Variants in DLGAP2 observed in about 807,000 individuals in gnomAD.
DLGAP2 encodes DLG associated protein 2, also known as disks large-associated protein 2.
Under a neutral mutation model 100.3 loss-of-function variants are expected in DLGAP2, and 26 were observed. The ratio of observed to expected loss-of-function variants is 0.26; its 90% CI spans 0.19 to 0.36. The LOEUF (loss-of-function observed/expected upper bound fraction) is 0.36. DLGAP2 is among the 10% of genes least tolerant of loss of function. The pLI is 1.00. For synonymous variants in DLGAP2, 886 were observed against 630.1 expected (o/e 1.41, Z -6.08); for missense variants, 1,858 against 1,453.2 (o/e 1.28, Z -4.53).
At chr8:808,734 AACCCACCTCACGCTTGTGGGAGGC>A (rs1471981553) in intron 1 of DLGAP2, among the ~76,000 whole-genome samples, 1 of 152,194 alleles carries the variant, frequency 6.6e-6, no homozygotes, top group African/African-American at 2.4e-5. Context: ...CCTGCCAGCC[AACCCACCTCACGCTTGTGGGAGGC>A]ACCCACCCTA....
intron 3 of DLGAP2, among the ~76,000 whole-genome samples, chr8:1,434,807 C>T (rs975248911): frequency 7.9e-5 from 12 of 152,264 alleles, no homozygotes; most frequent in East Asian, 7.7e-4. Context: ...GAAAATGCTC[C>T]GTGAACATGA....
At chr8:1,050,971 T>C (rs1802663967) in intron 2 of DLGAP2, among the ~76,000 whole-genome samples, 1 of 111,290 alleles carries the variant, frequency 9.0e-6, no homozygotes, top group Non-Finnish European at 1.8e-5. Flanking sequence ...GGTCATTTCG[T>C]GGGTGGGGGT....
chr8:1,528,064 G>A (rs1485864293), intron 4 of DLGAP2, among the ~76,000 whole-genome samples: 2 of 152,252 alleles, frequency 1.3e-5, no homozygotes, highest in African/African-American at 4.8e-5. Flanking sequence ...TCTCCTGGAG[G>A]AACCATCAAT....
intron 2 of DLGAP2, among the ~76,000 whole-genome samples, chr8:923,842 G>T (rs1055175312): frequency 6.6e-6 from 1 of 152,174 alleles, no homozygotes; most frequent in Non-Finnish European, 1.5e-5. Context: ...ACTGCCAAAG[G>T]TCTAAAGTTT....
rs577537546 is a variant in DLGAP2 at position 1,251,127 on chromosome 8, T to C, written c.74-7724T>C. ...ACTTTGTATTCTTGTCTGCCTTCCC[T>C]AACCCGTGCAACAAGCAATATCATT... On this transcript the variant is annotated intron_variant, in intron 2 of 14. Transcript: ENST00000637795. 3.8e-4 allele frequency among the ~76,000 whole-genome samples: 58 copies of C among 152,340 alleles called. 1 individual carries two copies. The South Asian group carries it at 0.012, about 31-fold the overall frequency.
chr8:1,701,116 G>A, intron 14 of DLGAP2, 72 bp from the exon 15 acceptor site: 2 of 1,429,668 alleles, frequency 1.4e-6, no homozygotes, highest in Non-Finnish European at 1.9e-6. Context: ...CAGGCCCCAG[G>A]GCCGCTGAGC....
At chr8:815,540 T>G (rs2132676870) in intron 1 of DLGAP2, among the ~76,000 whole-genome samples, 1 of 152,308 alleles carries the variant, frequency 6.6e-6, no homozygotes, top group African/African-American at 2.4e-5. Flanking sequence ...TAAAGATAAA[T>G]TCAATATTCT....
At chr8:965,844 ACG>A (rs1477318017) in intron 2 of DLGAP2, among the ~76,000 whole-genome samples, 2 of 148,394 alleles carry the variant, frequency 1.3e-5, no homozygotes, top group African/African-American at 2.5e-5. Context: ...TTCATCACAC[ACG>A]CGGCTCCAGA....
intron 2 of DLGAP2, among the ~76,000 whole-genome samples, chr8:1,177,337 T>A (rs534601123): frequency 1.3e-5 from 2 of 152,214 alleles, no homozygotes; most frequent in Admixed American, 1.3e-4. Context: ...CATTATATCA[T>A]AAGCCTGGCT....
At chr8:811,715 A>G (rs935280078) in intron 1 of DLGAP2, among the ~76,000 whole-genome samples, 2 of 146,592 alleles carry the variant, frequency 1.4e-5, no homozygotes, top group African/African-American at 5.1e-5. Flanking sequence ...TGAAGCTCCC[A>G]TCATCCTTGG....
intron 1 of DLGAP2, among the ~76,000 whole-genome samples, chr8:767,557 A>G (rs1307010301): frequency 2.0e-5 from 3 of 151,986 alleles, no homozygotes; most frequent in African/African-American, 7.3e-5. Context: ...GGGTTTCACC[A>G]TGTTGGCCAG....
chr8:1,454,212 C>T (rs370137339), intron 3 of DLGAP2, among the ~76,000 whole-genome samples: 8 of 152,202 alleles, frequency 5.3e-5, no homozygotes, highest in Non-Finnish European at 1.0e-4. Flanking sequence ...CGTCCACAGC[C>T]GCCCGGCAGG....
At chr8:1,060,871 G>T (rs1272064176) in intron 2 of DLGAP2, among the ~76,000 whole-genome samples, 2 of 152,226 alleles carry the variant, frequency 1.3e-5, no homozygotes, top group Admixed American at 1.3e-4. Context: ...GGAAGAGGAG[G>T]TGGGCTCTGC....
chr8:971,707 G>C (rs1022202818), intron 2 of DLGAP2, among the ~76,000 whole-genome samples: 1 of 152,172 alleles, frequency 6.6e-6, no homozygotes, highest in Non-Finnish European at 1.5e-5. Context: ...TCATCATGGA[G>C]TACTCTCAGA....
chr8:1,086,320 G>A (rs997692702), intron 2 of DLGAP2, among the ~76,000 whole-genome samples: 1 of 152,160 alleles, frequency 6.6e-6, no homozygotes, highest in African/African-American at 2.4e-5. Context: ...GTAAGAGTGG[G>A]CATTTTTGTC....
intron 6 of DLGAP2, among the ~76,000 whole-genome samples, chr8:1,606,890 G>A (rs1164080254): frequency 2.6e-5 from 4 of 152,110 alleles, no homozygotes; most frequent in Admixed American, 6.6e-5. Context: ...TCATCATGTT[G>A]CCCAGGCTAG....
rs754305713 is a variant in DLGAP2 at position 1,701,403 on chromosome 8, C to T, written c.3165C>T (p.Leu1055=). 10 of 1,586,854 alleles carry T rather than the reference C, an allele frequency of 6.3e-6. No individual in the cohort carries two copies. In the Admixed American group the frequency reaches 1.2e-4, roughly 20 times the overall value. The change falls in exon 15 of 15, where the codon CTC becomes CTT. Residue 1055 remains leucine (L), a synonymous_variant. Coordinates refer to ENST00000637795, the MANE Select transcript of DLGAP2 (RefSeq NM_001346810.2). ...EIYIPEAQTR[L] Reference sequence around the variant, plus strand: ...ACATCCCCGAGGCCCAGACCCGGCTCTGAGGGCGGAGGCCGGCGCCTTCCC... The same window carrying T: ...ACATCCCCGAGGCCCAGACCCGGCTTTGAGGGCGGAGGCCGGCGCCTTCCC...
Position 1,072,843 on chromosome 8 carries a change from G to A in DLGAP2, c.73+164877G>A, listed in dbSNP as rs1263513068. 2.6e-5 allele frequency among the ~76,000 whole-genome samples: 4 copies of A among 152,220 alleles called. No homozygotes were observed. The South Asian group carries it at 6.2e-4, about 24-fold the overall frequency. On this transcript the variant is annotated intron_variant, in intron 2 of 14. Transcript: ENST00000637795. Reference sequence around the variant, plus strand: ...GAGGCCGTTGTGGGGCTCCACTGCCGGGAAGGTTTCGGGGAGGCTGAGTGT... The same window carrying A: ...GAGGCCGTTGTGGGGCTCCACTGCCAGGAAGGTTTCGGGGAGGCTGAGTGT...
chr8:1,309,116 G>A lies in DLGAP2; in HGVS notation c.106+50233G>A, dbSNP rs557430473. Among the ~76,000 whole-genome samples, 29 of 152,080 alleles carry A rather than the reference G, an allele frequency of 1.9e-4. 1 individual carries two copies. In the South Asian group the frequency reaches 5.0e-3, roughly 26 times the overall value. On this transcript the variant is annotated intron_variant, in intron 3 of 14. Transcript: ENST00000637795. ...ACTTGAGGGTCTGTGGAACATCATC[G>A]GGCTGATCAGCCTACACATTACAAG...
Sources: allele counts gnomAD v4.1 joint callset (sites outside exome capture counted in the v4.1 genomes callset), GRCh38; gene constraint gnomAD v4.1.1; transcripts MANE v1.5; gene names NCBI Gene and HGNC (gene_info 2026-07-23, HGNC 2026-07-21).